POC1B: variants seen among roughly 807,000 people sequenced by gnomAD.
POC1B encodes the protein POC1 centriolar protein B.
A neutral mutation model predicts 60.6 loss-of-function variants in POC1B; 44 were observed. That is an observed-to-expected ratio of 0.73 (90% CI 0.57 to 0.93). The LOEUF (loss-of-function observed/expected upper bound fraction) is 0.93, where lower values mean the gene tolerates loss of function less well. Ranked by LOEUF, POC1B falls within the 40% of genes least tolerant of loss-of-function variation. The pLI is 0.00. For synonymous variants in POC1B, 180 were observed against 198.9 expected (o/e 0.90, Z 0.80); for missense variants, 555 against 572.3 (o/e 0.97, Z 0.31).
chr12:89,510,820 C>T (rs1460055377), intron 2 of POC1B, among the ~76,000 whole-genome samples: 1 of 144,504 alleles, frequency 6.9e-6, no homozygotes, highest in Non-Finnish European at 1.5e-5. Flanking sequence ...TACAGTGGCA[C>T]AATCTCAGCT....
chr12:89,501,117 T>C, intron 2 of POC1B: 1 of 1,303,976 alleles, frequency 7.7e-7, no homozygotes, highest in Non-Finnish European at 1.1e-6. Flanking sequence ...CTGAGAGCAC[T>C]GCACTCCTTC....
In POC1B at chr12:89,525,594, G is replaced by C. The variant is rs955054473; in HGVS notation, c.15+287C>G. On this transcript the variant is annotated intron_variant, in intron 1 of 11. Coordinates refer to ENST00000313546, the MANE Select transcript of POC1B (RefSeq NM_172240.3). Reference sequence around the variant, plus strand: ...CTTCCTAGGTGATTCTGACGCAGGCGCTCCACGGAAACCCTCCGAGAATTC... The same window carrying C: ...CTTCCTAGGTGATTCTGACGCAGGCCCTCCACGGAAACCCTCCGAGAATTC... 10 of 1,278,432 alleles carry C rather than the reference G, an allele frequency of 7.8e-6. No individual in the cohort carries two copies. The African/African-American group carries it at 1.2e-4, about 16-fold the overall frequency. The allele number at this position is 1,278,432 out of a possible 1,614,324, so 79.2% of individuals were successfully genotyped here.
At position 89,451,676 on chromosome 12, in the gene POC1B, T is replaced by C. The variant is rs77837475; in HGVS notation, c.1113+7962A>G. Among the ~76,000 whole-genome samples the C allele has an allele frequency of 6.0e-3, 911 of 152,314 alleles. 12 individuals are homozygous for C. Among genetic ancestry groups the C allele is most frequent in the African/African-American group, 0.021 (882 of 41,570 alleles). The stretch of plus-strand genomic sequence containing the variant: ...TAAATCTTTAGAAGCCCTAATAATA[T>C]GTTTTACATAGTGTGACAGCATAAA... On this transcript the variant is annotated intron_variant, in intron 10 of 11. Transcript: ENST00000313546.
chr12:89,480,001 T>C (rs1330880555), intron 4 of POC1B, among the ~76,000 whole-genome samples: 3 of 152,230 alleles, frequency 2.0e-5, no homozygotes. Flanking sequence ...GCCACATTTA[T>C]TGTAAGTTCT....
chr12:89,481,302 G>A (rs1383214235), intron 4 of POC1B, among the ~76,000 whole-genome samples: 1 of 152,208 alleles, frequency 6.6e-6, no homozygotes, highest in Non-Finnish European at 1.5e-5. Context: ...GGGTAGTAAA[G>A]GTTATCAGAC....
rs145981936 is a variant in POC1B, at chr12:89,471,617, G to C, written c.673C>G (p.Gln225Glu). Residue 225 changes from glutamine (Q) to glutamate (E), a missense_variant, in exon 6 of 12, where the codon CAA becomes GAA. Gln to Glu is a conservative substitution (Grantham distance 29). Transcript: ENST00000313546. Reference protein sequence around the residue: ...VRVNKLLQHYQVHSGGVNCIS... With the variant: ...VRVNKLLQHYEVHSGGVNCIS... The stretch of plus-strand genomic sequence containing the variant: ...TTTTTGTTAGGAAAATTGTTACCTT[G>C]GTAATGCTGTAGTAATTTGTTCACT... The C allele has an allele frequency of 2.2e-4, 350 of 1,602,244 alleles. 1 individual carries two copies. In the Middle Eastern group the frequency reaches 5.0e-3, roughly 23 times the overall value.
At chr12:89,414,068 T>A in the POC1B span, among the ~76,000 whole-genome samples, 3 of 152,050 alleles carry the variant, frequency 2.0e-5, no homozygotes, top group Admixed American at 6.6e-5. Context: ...ATTTTTTGTA[T>A]TTTTAGTAGA....
chr12:89,464,694 G>A (rs1592604742), intron 9 of POC1B, among the ~76,000 whole-genome samples: 1 of 150,556 alleles, frequency 6.6e-6, no homozygotes, highest in East Asian at 1.9e-4. Context: ...CACCATGTTG[G>A]TCAGGCTAGT....
At chr12:89,403,891 G>C in the POC1B span, among the ~76,000 whole-genome samples, 1 of 152,116 alleles carries the variant, frequency 6.6e-6, no homozygotes, top group Admixed American at 6.5e-5. Flanking sequence ...CCAGCACTTT[G>C]GGAGGCCCAG....
chr12:89,522,891 T>C (rs1298285678), intron 2 of POC1B: 2 of 1,613,502 alleles, frequency 1.2e-6, no homozygotes, highest in Non-Finnish European at 1.7e-6. Flanking sequence ...GGCCCTCCGG[T>C]GTCCGATAAG....
intron 4 of POC1B, among the ~76,000 whole-genome samples, chr12:89,475,386 GA>G (rs1331963126): frequency 1.3e-5 from 2 of 152,292 alleles, no homozygotes; most frequent in Non-Finnish European, 2.9e-5. Context: ...CAACTTAACA[GA>G]AACTAAAGGG....
At chr12:89,402,445 G>A in the POC1B span, among the ~76,000 whole-genome samples, 1 of 151,922 alleles carries the variant, frequency 6.6e-6, no homozygotes, top group Admixed American at 6.6e-5. Context: ...TGTACGGGGG[G>A]TTGTTGGACA....
At chr12:89,446,138 A>T (rs1881776088) in intron 10 of POC1B, among the ~76,000 whole-genome samples, 1 of 151,760 alleles carries the variant, frequency 6.6e-6, no homozygotes, top group South Asian at 2.1e-4. Flanking sequence ...AAATAGGAAC[A>T]CTTTTACACT....
chr12:89,433,434 G>C (rs1428760808), intron 10 of POC1B, among the ~76,000 whole-genome samples: 1 of 152,182 alleles, frequency 6.6e-6, no homozygotes, highest in Non-Finnish European at 1.5e-5. Flanking sequence ...CAAGATGGCT[G>C]TCTAGTCAAA....
chr12:89,408,558 T>C, the POC1B span, among the ~76,000 whole-genome samples: 2 of 151,184 alleles, frequency 1.3e-5, no homozygotes, highest in Admixed American at 6.6e-5. Context: ...CGATCTCGGC[T>C]CACTGCAAGC....
the POC1B span, among the ~76,000 whole-genome samples, chr12:89,407,063 T>C: frequency 6.8e-6 from 1 of 147,546 alleles, no homozygotes; most frequent in Non-Finnish European, 1.5e-5. Flanking sequence ...CAGGGAGAAT[T>C]GCTTGAACCT....
chr12:89,431,827 G>T (rs1316313507), intron 10 of POC1B, among the ~76,000 whole-genome samples: 1 of 152,186 alleles, frequency 6.6e-6, no homozygotes, highest in African/African-American at 2.4e-5. Flanking sequence ...TTTGGAGATT[G>T]CAAGTCCAAA....
intron 10 of POC1B, among the ~76,000 whole-genome samples, chr12:89,436,048 G>C (rs556193614): frequency 6.6e-6 from 1 of 151,448 alleles, no homozygotes; most frequent in East Asian, 1.9e-4. Context: ...AGGTTCAAGC[G>C]ATTCTCTTGC....
chr12:89,513,998 A>G (rs186647341), intron 2 of POC1B, among the ~76,000 whole-genome samples: 22 of 152,296 alleles, frequency 1.4e-4, no homozygotes, highest in Admixed American at 2.6e-4. Context: ...GTTTTCTCCC[A>G]TCCTCTTCCC....
Sources: gnomAD v4.1 joint callset for allele counts (sites outside exome capture counted in the v4.1 genomes callset) on GRCh38, gnomAD v4.1.1 for gene constraint, MANE v1.5 for transcripts, NCBI Gene and HGNC (gene_info 2026-07-23, HGNC 2026-07-21) for gene names.